SPPL3: variants seen among roughly 807,000 people sequenced by gnomAD.
The protein encoded by SPPL3 is signal peptide peptidase-like 3.
A neutral mutation model predicts 42.4 loss-of-function variants in SPPL3; 5 were observed. The ratio of observed to expected loss-of-function variants is 0.12; its 90% CI spans 0.06 to 0.25. The LOEUF is 0.25. Among genes scored for constraint, SPPL3 ranks in the 10% least tolerant of loss-of-function variants. The pLI is 1.00. For synonymous variants in SPPL3, 195 were observed against 181.8 expected (o/e 1.07, Z -0.58); for missense variants, 235 against 489.0 (o/e 0.48, Z 4.90).
chr12:120,899,193 T>C (rs755866158), intron 1 of SPPL3, among the ~76,000 whole-genome samples: 6 of 152,234 alleles, frequency 3.9e-5, no homozygotes, highest in Non-Finnish European at 8.8e-5. Context: ...GATTCTGATG[T>C]TACTACCAAT....
At chr12:120,837,252 A>G (rs751761224) in intron 1 of SPPL3, among the ~76,000 whole-genome samples, 1 of 152,216 alleles carries the variant, frequency 6.6e-6, no homozygotes, top group African/African-American at 2.4e-5. Context: ...CCAGTTCTCA[A>G]TCACAAGCAA....
chr12:120,888,957 G>T (rs1873548475), intron 1 of SPPL3, among the ~76,000 whole-genome samples: 1 of 151,922 alleles, frequency 6.6e-6, no homozygotes, highest in East Asian at 1.9e-4. Flanking sequence ...GGGATTACAG[G>T]TTCATGCCAC....
At chr12:120,874,168 T>C (rs1212840734) in intron 1 of SPPL3, among the ~76,000 whole-genome samples, 1 of 151,580 alleles carries the variant, frequency 6.6e-6, no homozygotes, top group Non-Finnish European at 1.5e-5. Context: ...AAATGGTAAA[T>C]ATGGCCAGGC....
intron 2 of SPPL3, among the ~76,000 whole-genome samples, chr12:120,802,647 TG>T (rs1208658058): frequency 2.0e-5 from 3 of 151,852 alleles, no homozygotes; most frequent in African/African-American, 7.3e-5. Context: ...TTGGCCAGGC[TG>T]GTCTTGGAAC....
At chr12:120,768,517 G>T in intron 7 of SPPL3, 29 bp from the exon 8 acceptor site, 1 of 1,593,402 alleles carries the variant, frequency 6.3e-7, no homozygotes, top group Admixed American at 1.7e-5. Context: ...GCCTTTAACA[G>T]AGGGAGTTGG....
chr12:120,766,100 GCACACACACACA>G (rs111837123), intron 10 of SPPL3, among the ~76,000 whole-genome samples, 151 bp downstream of exon 10: 6,620 of 84,106 alleles, frequency 0.079, 207 homozygotes, highest in Non-Finnish European at 0.12. Flanking sequence ...GCGCGCGCGC[GCACACACACACA>G]CACACACACA....
intron 1 of SPPL3, among the ~76,000 whole-genome samples, chr12:120,861,322 G>A (rs1203899629): frequency 6.6e-6 from 1 of 152,170 alleles, no homozygotes; most frequent in Non-Finnish European, 1.5e-5. Context: ...GCAGGCCATA[G>A]TTTGCTTATT....
intron 1 of SPPL3, among the ~76,000 whole-genome samples, chr12:120,884,784 AGTTTTTTTGG>A (rs1873398039): frequency 7.1e-6 from 1 of 141,708 alleles, no homozygotes; most frequent in Non-Finnish European, 1.5e-5. Flanking sequence ...TTATGGCTAG[AGTTTTTTTGG>A]GTTTTTTTTT....
chr12:120,815,623 A>T (rs1870843499), intron 1 of SPPL3, among the ~76,000 whole-genome samples: 1 of 152,202 alleles, frequency 6.6e-6, no homozygotes, highest in Non-Finnish European at 1.5e-5. Flanking sequence ...CACTGCCTTA[A>T]AGTCTGATAC....
At chr12:120,821,701 C>A (rs547657826) in intron 1 of SPPL3, among the ~76,000 whole-genome samples, 1 of 152,144 alleles carries the variant, frequency 6.6e-6, no homozygotes, top group Admixed American at 6.6e-5. Context: ...TCTAAATACC[C>A]TCTCAGGATA....
intron 1 of SPPL3, among the ~76,000 whole-genome samples, chr12:120,816,868 T>G (rs1870897204): frequency 1.3e-5 from 2 of 152,232 alleles, no homozygotes; most frequent in Admixed American, 1.3e-4. Flanking sequence ...CTGAAGTTTC[T>G]ATCTGTAATT....
At chr12:120,841,610 A>C (rs1871835181) in intron 1 of SPPL3, among the ~76,000 whole-genome samples, 1 of 152,174 alleles carries the variant, frequency 6.6e-6, no homozygotes, top group African/African-American at 2.4e-5. Context: ...TCTGAATTAC[A>C]TTAAATTACT....
At chr12:120,887,262 CT>C (rs924697304) in intron 1 of SPPL3, among the ~76,000 whole-genome samples, 1 of 152,050 alleles carries the variant, frequency 6.6e-6, no homozygotes, top group African/African-American at 2.4e-5. Flanking sequence ...TTAGTATCAC[CT>C]TTTTAAAAAA....
intron 6 of SPPL3, among the ~76,000 whole-genome samples, chr12:120,774,622 T>C (rs1328138680): frequency 1.3e-5 from 2 of 152,136 alleles, no homozygotes; most frequent in East Asian, 3.9e-4. Context: ...CAGAGAAGGC[T>C]CTTAGAGGCA....
At chr12:120,881,911 G>C (rs1873297792) in intron 1 of SPPL3, among the ~76,000 whole-genome samples, 1 of 152,028 alleles carries the variant, frequency 6.6e-6, no homozygotes, top group African/African-American at 2.4e-5. Context: ...TGTGGGGAGA[G>C]AGGGGAATGA....
In SPPL3 at chr12:120,882,752, G is replaced by A. The variant is rs568679323; in HGVS notation, c.23+21093C>T. Among the ~76,000 whole-genome samples the A allele has an allele frequency of 1.3e-4, 20 of 152,024 alleles. No individual in the cohort carries two copies. In the South Asian group the frequency reaches 4.2e-3, roughly 32 times the overall value. ...CACATACAAAAACAATCTCCACCTG[G>A]GCACAGTGGCTTATATCTGTAAACC... is the stretch of plus-strand genomic sequence containing the variant. On this transcript the variant is annotated intron_variant, in intron 1 of 10. Coordinates refer to ENST00000353487, the MANE Select transcript of SPPL3 (RefSeq NM_139015.5).
chr12:120,886,318 A>T (rs912773132), intron 1 of SPPL3, among the ~76,000 whole-genome samples: 2 of 152,136 alleles, frequency 1.3e-5, no homozygotes, highest in Non-Finnish European at 2.9e-5. Flanking sequence ...CTGATGAAAA[A>T]GGATGTGGTT....
intron 6 of SPPL3, among the ~76,000 whole-genome samples, chr12:120,776,319 G>A (rs959268659): frequency 6.6e-6 from 1 of 152,066 alleles, no homozygotes; most frequent in Non-Finnish European, 1.5e-5. Flanking sequence ...TTCTGATAGC[G>A]GCCACTGGGG....
chr12:120,836,174 A>C (rs1871612097), intron 1 of SPPL3, among the ~76,000 whole-genome samples: 1 of 151,872 alleles, frequency 6.6e-6, no homozygotes, highest in African/African-American at 2.4e-5. Context: ...TCTTCCCACC[A>C]AGAAGGGGAG....
Sources: gnomAD v4.1 joint callset for allele counts (sites outside exome capture counted in the v4.1 genomes callset) on GRCh38, gnomAD v4.1.1 for gene constraint, MANE v1.5 for transcripts, NCBI Gene and HGNC (gene_info 2026-07-23, HGNC 2026-07-21) for gene names.